CACNA1H: variants seen among roughly 807,000 people sequenced by gnomAD.
CACNA1H encodes voltage-dependent T-type calcium channel subunit alpha-1H.
Under a neutral mutation model 192.5 loss-of-function variants are expected in CACNA1H, and 149 were observed. The observed-to-expected ratio is 0.77, with a 90% CI of 0.68 to 0.89. CACNA1H has a LOEUF of 0.89. Ranked by LOEUF, CACNA1H falls within the 40% of genes least tolerant of loss-of-function variation. The probability of loss-of-function intolerance (pLI) is 0.00; values close to 1 mark genes in which losing one functional copy is unlikely to be tolerated. For synonymous variants in CACNA1H, 2,202 were observed against 1,475.2 expected, an observed-to-expected ratio of 1.49 and a Z score of -11.29; for missense variants, 4,257 against 3,423.5, an observed-to-expected ratio of 1.24 and a Z score of -6.08.
chr16:1,206,729 G>A (rs1297088013), intron 12 of CACNA1H: 5 of 480,292 alleles, frequency 1.0e-5, no homozygotes, highest in Non-Finnish European at 1.9e-5. Context: ...GGTTCCAGTT[G>A]CCACCCAAAT....
Position 1,202,033 on chromosome 16 carries a change from A to G in CACNA1H, c.1583A>G (p.His528Arg), listed in dbSNP as rs1355311190. The G allele has an allele frequency of 6.5e-7, 1 of 1,537,776 alleles. No individual in the cohort carries two copies. ...CACCACCATCACCACCACCACCACC[A>G]CTACCATTTCAGCCATGGCAGCCCC... Reference protein sequence around the residue: ...VYHHHHHHHHHYHFSHGSPRR... With the variant: ...VYHHHHHHHHRYHFSHGSPRR... Residue 528 changes from histidine to arginine, a missense_variant, in exon 9 of 35, where the codon CAC becomes CGC. By Grantham distance (29) the His-to-Arg change is conservative (BLOSUM62 0). Coordinates refer to ENST00000348261, the MANE Select transcript of CACNA1H (RefSeq NM_021098.3).
At chr16:1,202,499 A>G (rs1257878065) in intron 9 of CACNA1H, 47 bp downstream of exon 9, 2 of 1,422,370 alleles carry the variant, frequency 1.4e-6, no homozygotes, top group South Asian at 1.5e-5. Context: ...GGACCTAGGC[A>G]GGGCGGGCAG....
At chr16:1,182,291 C>G (rs1965556589) in intron 2 of CACNA1H, among the ~76,000 whole-genome samples, 1 of 152,150 alleles carries the variant, frequency 6.6e-6, no homozygotes, top group Non-Finnish European at 1.5e-5. Flanking sequence ...TCTGTGGGGC[C>G]AGAGTCTCCC....
In CACNA1H at chr16:1,207,796, C is replaced by T. The variant is rs564292386; in HGVS notation, c.3090C>T (p.Asp1030=). The T allele has an allele frequency of 1.1e-5, 17 of 1,602,602 alleles. No homozygotes were observed. Among genetic ancestry groups the T allele is most frequent in the South Asian group, 5.6e-5 (5 of 88,964 alleles). ...AEGDANRSDT[D]EDKTSVHFEE... ...GCGATGCCAACAGATCCGACACGGA[C>T]GAGGACAAGACGTCGGTCCACTTCG... The change falls in exon 15 of 35, where the codon GAC becomes GAT. Residue 1030 remains aspartate (D), a synonymous_variant. Transcript: ENST00000348261.
chr16:1,189,263 C>T (rs906914132), intron 2 of CACNA1H, among the ~76,000 whole-genome samples: 5 of 152,098 alleles, frequency 3.3e-5, no homozygotes, highest in Non-Finnish European at 7.4e-5. Context: ...GGAGGCCCAG[C>T]CCCTGGCAGG....
At chr16:1,215,415 G>T in intron 29 of CACNA1H, 40 bp downstream of exon 29, 1 of 1,591,610 alleles carries the variant, frequency 6.3e-7, no homozygotes, top group Non-Finnish European at 8.6e-7. Context: ...TCTGCGGGTG[G>T]AGGGTGGGGG....
rs552337565 is a variant in CACNA1H, at chr16:1,215,179, A to G, written c.5040-63A>G. The G allele has an allele frequency of 5.1e-6, 8 of 1,580,912 alleles. No individual in the cohort carries two copies. The East Asian group carries it at 1.6e-4, about 32-fold the overall frequency. ...CAGGCTTTCCCACGGAGGTCTGCAG[A>G]AGCAACGCTGCTGAGCCGAGGCGGG... is the stretch of plus-strand genomic sequence containing the variant. On this transcript the variant is annotated intron_variant, in intron 28 of 34. Coordinates refer to ENST00000348261, the MANE Select transcript of CACNA1H (RefSeq NM_021098.3).
In CACNA1H at chr16:1,212,518, C is replaced by G. The variant is rs1324648034; in HGVS notation, c.4767C>G (p.Phe1589Leu). The G allele has an allele frequency of 6.2e-7, 1 of 1,611,038 alleles. No homozygotes were observed. The highest frequency in any genetic ancestry group is 8.5e-7 in the Non-Finnish European group (1 of 1,179,114). ...ATCTCCTTGTCTTTCCAGGCACTTT[C>G]CCCAGCCCAGGTACCGGCCCTGTCC... ...RRLERRRRSTFPSPEAQRRPY... is the reference protein window; with the variant it reads ...RRLERRRRSTLPSPEAQRRPY... The change falls in exon 26 of 35, where the codon TTC becomes TTG. Residue 1589 changes from phenylalanine to leucine, a missense_variant. Phe to Leu is a conservative substitution (Grantham distance 22). Transcript: ENST00000348261.
rs965144731 is a variant in CACNA1H, at chr16:1,167,597, G to T, written c.299+13561G>T. ...CCTCACCGCGGCGGTGCCACTAATG[G>T]GGTTGCCGTGGCAACGCCTGTCACT... On this transcript the variant is annotated intron_variant, in intron 2 of 34. Transcript: ENST00000348261. The surrounding 1 kb of genome is among the most constrained non-coding windows in gnomAD (Gnocchi z 4.2). Among the ~76,000 whole-genome samples, 1 of 152,192 alleles carries T rather than the reference G, an allele frequency of 6.6e-6. No individual in the cohort carries two copies. Among genetic ancestry groups the T allele is most frequent in the Non-Finnish European group, 1.5e-5 (1 of 68,032 alleles).
At chr16:1,176,010 T>A (rs1596328322) in intron 2 of CACNA1H, among the ~76,000 whole-genome samples, 1 of 152,118 alleles carries the variant, frequency 6.6e-6, no homozygotes, top group African/African-American at 2.4e-5. Context: ...GGCTGCTGGG[T>A]CCCAACCCCG....
chr16:1,212,652 G>T (rs545649675), intron 26 of CACNA1H, 124 bp downstream of exon 26: 6 of 1,214,690 alleles, frequency 4.9e-6, no homozygotes, highest in Non-Finnish European at 7.0e-6. Flanking sequence ...GGTGCTGGGC[G>T]TGTGGCGTGA....
Position 1,209,181 on chromosome 16 carries a change from C to T in CACNA1H, c.3513C>T (p.Gly1171=), listed in dbSNP as rs954663547. The change falls in exon 17 of 35, where the codon GGC becomes GGT. Residue 1171 remains glycine, a synonymous_variant. Coordinates refer to ENST00000348261, the MANE Select transcript of CACNA1H (RefSeq NM_021098.3). ...GTGAGTCCCTGCTGTCTGGCGAGGG[C>T]AAGGGCAGCACCGACGACGAAGCTG... is the stretch of plus-strand genomic sequence containing the variant. ...GERESLLSGE[G]KGSTDDEAED... is the part of the protein sequence containing the mutation. 3.9e-6 allele frequency: 6 copies of T among 1,553,266 alleles called. No individual in the cohort carries two copies. In the South Asian group the frequency reaches 7.1e-5, roughly 18 times the overall value.
At position 1,209,385 on chromosome 16, in the gene CACNA1H, A is replaced by C. The variant is rs1478546746; in HGVS notation, c.3717A>C (p.Ala1239=). Reference sequence around the variant, plus strand: ...GCATCGACAGCCACCGTGAGGATGCAGCCGAGCTTGACGACGACTCGGAGG... The same window carrying C: ...GCATCGACAGCCACCGTGAGGATGCCGCCGAGCTTGACGACGACTCGGAGG... The part of the protein sequence containing the change: ...FLRIDSHRED[A]AELDDDSEDS... Residue 1239 remains alanine, a synonymous_variant, in exon 17 of 35, where the codon GCA becomes GCC. Coordinates refer to ENST00000348261, the MANE Select transcript of CACNA1H (RefSeq NM_021098.3). The C allele has an allele frequency of 2.5e-6, 4 of 1,597,764 alleles. No homozygotes were observed. Among genetic ancestry groups the C allele is most frequent in the Non-Finnish European group, 3.4e-6 (4 of 1,179,542 alleles).
At chr16:1,205,811 C>T (rs1278202494) in intron 11 of CACNA1H, among the ~76,000 whole-genome samples, 2 of 152,210 alleles carry the variant, frequency 1.3e-5, no homozygotes, top group Admixed American at 6.5e-5. Flanking sequence ...CTGTGGAAGG[C>T]CCAGGATAGG....
At chr16:1,155,070 C>T (rs149003441) in intron 2 of CACNA1H, among the ~76,000 whole-genome samples, 10 of 152,334 alleles carry the variant, frequency 6.6e-5, no homozygotes, top group Non-Finnish European at 1.3e-4. Flanking sequence ...GGCCTGTGTA[C>T]ACTTCCCTAC....
intron 21 of CACNA1H, 33 bp downstream of exon 21, chr16:1,211,004 C>A (rs778182691): frequency 6.3e-7 from 1 of 1,583,678 alleles, no homozygotes. Context: ...CCGGGGCAAC[C>A]TGGAAGCACA....
intron 17 of CACNA1H, among the ~76,000 whole-genome samples, chr16:1,209,677 G>A (rs781582602): frequency 6.6e-6 from 1 of 152,242 alleles, no homozygotes; most frequent in African/African-American, 2.4e-5. Context: ...GCTCTGCGCC[G>A]TGGGTCAGCC....
Position 1,214,940 on chromosome 16 carries a change from C to G in CACNA1H, c.4930-32C>G, listed in dbSNP as rs779804198. 61 of 1,500,066 alleles carry G rather than the reference C, an allele frequency of 4.1e-5. No individual in the cohort carries two copies. The South Asian group carries it at 7.2e-4, about 18-fold the overall frequency. The allele number at this position is 1,500,066 out of a possible 1,614,324, so 92.9% of individuals were successfully genotyped here. On this transcript the variant is annotated intron_variant, in intron 27 of 34. Transcript: ENST00000348261. Reference sequence around the variant, plus strand: ...AGGGGGAAGAGGGGTGGCCCCAGCCCCACCTCAGCCAGCCCGACCCTCCAC... The same window carrying G: ...AGGGGGAAGAGGGGTGGCCCCAGCCGCACCTCAGCCAGCCCGACCCTCCAC...
chr16:1,194,226 C>T (rs1247715171), intron 2 of CACNA1H, among the ~76,000 whole-genome samples: 2 of 152,168 alleles, frequency 1.3e-5, no homozygotes, highest in Admixed American at 6.5e-5. Context: ...TCTGTCTCCT[C>T]CTCGGTTCCC....
Sources: gnomAD v4.1 joint callset for allele counts (sites outside exome capture counted in the v4.1 genomes callset) on GRCh38, gnomAD v4.1.1 for gene constraint, Gnocchi (gnomAD v3.1) non-coding constraint, MANE v1.5 for transcripts, NCBI Gene and HGNC (gene_info 2026-07-23, HGNC 2026-07-21) for gene names.